The following PTPRK variants were observed in gnomAD, a reference collection of about 807,000 sequenced individuals.
The protein encoded by PTPRK is receptor-type tyrosine-protein phosphatase kappa.
A neutral mutation model predicts 178.0 loss-of-function variants in PTPRK; 75 were observed. That is an observed-to-expected ratio of 0.42 (90% CI 0.35 to 0.51). The LOEUF (loss-of-function observed/expected upper bound fraction) is 0.51, where lower values mean the gene tolerates loss of function less well. Ranked by LOEUF, PTPRK falls within the 20% of genes least tolerant of loss-of-function variation. The pLI, the probability that PTPRK is intolerant of heterozygous loss-of-function variation, is 0.02. For missense variants in PTPRK, 1,441 were observed against 1,797.8 expected (o/e 0.80, Z 3.59); for synonymous variants, 637 against 620.6 (o/e 1.03, Z -0.39).
At chr6:128,205,777 C>CAAAAAAAAAAAAAAAAAAAAAAAA (rs57003128) in intron 6 of PTPRK, among the ~76,000 whole-genome samples, 1 of 15,230 alleles carries the variant, frequency 6.6e-5, no homozygotes, top group African/African-American at 2.4e-4. Context: ...CATCACAGAC[C>CAAAAAAAAAAAAAAAAAAAAAAAA]AAAAAAAAAA....
intron 3 of PTPRK, among the ~76,000 whole-genome samples, chr6:128,270,279 G>T (rs140802283): frequency 2.3e-3 from 347 of 152,138 alleles, no homozygotes; most frequent in Non-Finnish European, 3.4e-3. Flanking sequence ...TATATTCTAA[G>T]TCCTCTCCTA....
rs184996262 is a variant in PTPRK, at chr6:128,138,490, A to G, written c.1162+45942T>C. On this transcript the variant is annotated intron_variant, in intron 7 of 29. Coordinates refer to ENST00000368226, the MANE Select transcript of PTPRK (RefSeq NM_002844.4). ...TTCAAGAAGGTCCAATGTTTCTGCT[A>G]TACCTTAAAGATTATTGTCCTATGG... Among the ~76,000 whole-genome samples the G allele has an allele frequency of 1.8e-4, 27 of 152,228 alleles. No homozygotes were observed. The East Asian group carries it at 5.0e-3, about 28-fold the overall frequency.
At position 128,000,248 on chromosome 6, in the gene PTPRK, C is replaced by T. The variant is rs986824510; in HGVS notation, c.2495-1344G>A. ...GATAAACATATTTCAAGTGCTAGTA[C>T]ATTTGCCTGTTCTATCACCAACTCT... is the stretch of plus-strand genomic sequence containing the variant. On this transcript the variant is annotated intron_variant, in intron 15 of 29. Transcript: ENST00000368226. The T allele has an allele frequency of 1.2e-5, 14 of 1,204,432 alleles. No homozygotes were observed. The African/African-American group carries it at 2.1e-4, about 18-fold the overall frequency. 74.6% of individuals were successfully genotyped at this position (1,204,432 alleles called of 1,614,324 possible).
At chr6:128,134,233 C>T (rs1325617862) in intron 7 of PTPRK, among the ~76,000 whole-genome samples, 2 of 152,042 alleles carry the variant, frequency 1.3e-5, no homozygotes, top group Non-Finnish European at 2.9e-5. Flanking sequence ...AAAAATTATT[C>T]CTGAGTTTGA....
At chr6:128,247,839 A>G (rs1815761044) in intron 3 of PTPRK, among the ~76,000 whole-genome samples, 1 of 152,154 alleles carries the variant, frequency 6.6e-6, no homozygotes, top group Non-Finnish European at 1.5e-5. Context: ...TATTTCTTCC[A>G]TTCCCTTCTC....
rs974661432 is a variant in PTPRK, at chr6:128,036,034, C to T, written c.2195-26766G>A. Among the ~76,000 whole-genome samples, 8 of 152,050 alleles carry T rather than the reference C, an allele frequency of 5.3e-5. No individual in the cohort carries two copies. The East Asian group carries it at 5.8e-4, about 11-fold the overall frequency. On this transcript the variant is annotated intron_variant, in intron 13 of 29. Transcript: ENST00000368226. ...TAACTTTGGTTATCTTTTGAAATTA[C>T]GTATGTTGGTAAATGGAATGGAATG...
In PTPRK at chr6:127,995,546, T is replaced by G. The variant is rs575347029; in HGVS notation, c.2768-8A>C. On this transcript the variant is annotated splice_polypyrimidine_tract_variant and splice_region_variant and intron_variant, in intron 17 of 29. Coordinates refer to ENST00000368226, the MANE Select transcript of PTPRK (RefSeq NM_002844.4). ...TCACTCTGGAGTGATCATCTAAAATTTTAAAATAATAAATATAAGCTGTTA... is the reference window on the plus strand; with the variant it reads ...TCACTCTGGAGTGATCATCTAAAATGTTAAAATAATAAATATAAGCTGTTA... 48 of 1,533,478 alleles carry G rather than the reference T, an allele frequency of 3.1e-5. 1 individual carries two copies. In the South Asian group the frequency reaches 5.3e-4, roughly 17 times the overall value. 95.0% of individuals were successfully genotyped at this position (1,533,478 alleles called of 1,614,324 possible).
chr6:128,311,442 A>G (rs376244370), intron 3 of PTPRK, among the ~76,000 whole-genome samples: 388 of 152,250 alleles, frequency 2.5e-3, no homozygotes, highest in African/African-American at 8.7e-3. Context: ...CCCACCCTGG[A>G]TTTGGAAACT....
rs1295382138 is a variant in PTPRK, at chr6:128,508,981, G to GAA, written c.100+11276_100+11277dup. ...AAAAGAAAAGAAAAGAAAAGAAAAC[G>GAA]AAAAAATTTCATAAATAAACAGCTT... On this transcript the variant is annotated intron_variant, in intron 1 of 29. Transcript: ENST00000368226. 4.0e-5 allele frequency among the ~76,000 whole-genome samples: 6 copies of GAA among 151,172 alleles called. No individual in the cohort carries two copies. In the East Asian group the frequency reaches 1.2e-3, roughly 29 times the overall value.
intron 1 of PTPRK, among the ~76,000 whole-genome samples, chr6:128,449,963 C>T (rs1024754442): frequency 6.7e-6 from 1 of 150,210 alleles, no homozygotes; most frequent in Non-Finnish European, 1.5e-5. Context: ...AAAAAAATTG[C>T]CAGGCATAAT....
At chr6:128,417,294 A>G (rs1163388747) in intron 1 of PTPRK, among the ~76,000 whole-genome samples, 1 of 152,188 alleles carries the variant, frequency 6.6e-6, no homozygotes, top group Non-Finnish European at 1.5e-5. Context: ...ATAAGCCACT[A>G]TGAAAGTCAT....
At chr6:128,214,792 T>C (rs1212241763) in intron 6 of PTPRK, among the ~76,000 whole-genome samples, 1 of 152,114 alleles carries the variant, frequency 6.6e-6, no homozygotes, top group Admixed American at 6.6e-5. Flanking sequence ...CAAAAATTAG[T>C]AAATATTCTT....
chr6:128,290,209 T>C (rs1343361646), intron 3 of PTPRK, among the ~76,000 whole-genome samples: 3 of 152,104 alleles, frequency 2.0e-5, no homozygotes, highest in Admixed American at 6.6e-5. Context: ...CTTTTGAGGG[T>C]AGATTTGCAT....
At chr6:128,011,020 C>T (rs1040487295) in intron 13 of PTPRK, among the ~76,000 whole-genome samples, 4 of 150,890 alleles carry the variant, frequency 2.7e-5, no homozygotes, top group Non-Finnish European at 4.5e-5. Flanking sequence ...CTTTCCAGGG[C>T]GACGTTAGAA....
At chr6:128,325,310 CA>C (rs1387749305) in intron 2 of PTPRK, among the ~76,000 whole-genome samples, 13 of 151,920 alleles carry the variant, frequency 8.6e-5, no homozygotes. Flanking sequence ...CAACAAAACC[CA>C]AAATTGACAA....
chr6:128,349,047 A>G (rs1248870980), intron 2 of PTPRK, among the ~76,000 whole-genome samples: 2 of 152,108 alleles, frequency 1.3e-5, no homozygotes, highest in African/African-American at 4.8e-5. Flanking sequence ...AATTACCAGA[A>G]AAGAAAGAAA....
chr6:128,139,364 C>T (rs1795454909), intron 7 of PTPRK, among the ~76,000 whole-genome samples: 1 of 152,006 alleles, frequency 6.6e-6, no homozygotes, highest in Admixed American at 6.6e-5. Flanking sequence ...CTATCTCAGA[C>T]ATTTTAAGAA....
chr6:128,090,137 G>GAAT, intron 7 of PTPRK, 145 bp from the exon 8 acceptor site: 1 of 676,858 alleles, frequency 1.5e-6, no homozygotes, highest in Non-Finnish European at 2.4e-6. Context: ...ATTTATTCAT[G>GAAT]ATCCTATTCT....
chr6:128,018,330 C>CT (rs949061665), intron 13 of PTPRK, among the ~76,000 whole-genome samples: 4 of 151,864 alleles, frequency 2.6e-5, no homozygotes, highest in African/African-American at 9.7e-5. Context: ...AAGTTTTAAA[C>CT]TTTTTTTGAA....
Sources: gnomAD v4.1 joint callset for allele counts (sites outside exome capture counted in the v4.1 genomes callset) on GRCh38, gnomAD v4.1.1 for gene constraint, MANE v1.5 for transcripts, NCBI Gene and HGNC (gene_info 2026-07-23, HGNC 2026-07-21) for gene names.